Variants in ANK1 observed in about 807,000 individuals in gnomAD.
ANK1 encodes ankyrin 1, also known as ankyrin-1.
In ANK1, 51 loss-of-function variants were observed where a neutral mutation model predicts 210.4. The ratio of observed to expected loss-of-function variants is 0.24; its 90% CI spans 0.19 to 0.31. The LOEUF (loss-of-function observed/expected upper bound fraction) is 0.31. Among genes scored for constraint, ANK1 ranks in the 10% least tolerant of loss-of-function variants. ANK1 has a pLI of 1.00. For missense variants in ANK1, 2,051 were observed against 2,504.4 expected, an observed-to-expected ratio of 0.82 and a Z score of 3.86; for synonymous variants, 967 against 1,025.9, an observed-to-expected ratio of 0.94 and a Z score of 1.10.
chr8:41,850,180 G>A (rs913396759), intron 1 of ANK1, among the ~76,000 whole-genome samples: 31 of 152,168 alleles, frequency 2.0e-4, no homozygotes, highest in African/African-American at 7.2e-4. Flanking sequence ...CTTGGTGGGG[G>A]TCCCGGCAAC....
At chr8:41,857,576 T>C (rs572449768) in intron 1 of ANK1, among the ~76,000 whole-genome samples, 1 of 151,906 alleles carries the variant, frequency 6.6e-6, no homozygotes, top group African/African-American at 2.4e-5. Flanking sequence ...CCGTCTCTAC[T>C]AAAAATACAA....
intron 1 of ANK1, among the ~76,000 whole-genome samples, chr8:41,805,467 G>C (rs1382724228): frequency 6.6e-6 from 1 of 151,936 alleles, no homozygotes; most frequent in Non-Finnish European, 1.5e-5. Flanking sequence ...GGCTGGTCTT[G>C]AACTCGTGGG....
chr8:41,799,447 G>A (rs996658256), upstream of ANK1, among the ~76,000 whole-genome samples: 2 of 152,168 alleles, frequency 1.3e-5, no homozygotes, highest in African/African-American at 2.4e-5. Flanking sequence ...CAGGAGTGAC[G>A]AAAGCTAGAA....
chr8:41,829,512 C>T (rs2150796287), intron 1 of ANK1: 1 of 152,356 alleles, frequency 6.6e-6, no homozygotes, highest in South Asian at 2.1e-4. Flanking sequence ...AGCGTGCAGT[C>T]GATGCCTTCT....
At chr8:41,870,082 C>A (rs140644595) in intron 1 of ANK1, among the ~76,000 whole-genome samples, 1 of 151,980 alleles carries the variant, frequency 6.6e-6, no homozygotes, top group Non-Finnish European at 1.5e-5. Flanking sequence ...GGGATTCAGG[C>A]GGTTCAAGGA....
chr8:41,742,646 C>T (rs767062606), intron 2 of ANK1, among the ~76,000 whole-genome samples: 20 of 152,188 alleles, frequency 1.3e-4, no homozygotes, highest in Non-Finnish European at 2.9e-4. Flanking sequence ...TATCTATTAT[C>T]CAATGATTGG....
At chr8:41,791,194 GTTTTTTTTTT>G (rs71239082) in intron 1 of ANK1, among the ~76,000 whole-genome samples, 155 of 70,182 alleles carry the variant, frequency 2.2e-3, no homozygotes, top group Admixed American at 8.3e-3. Context: ...TACTAACTTT[GTTTTTTTTTT>G]TTTTTTTTTT....
At chr8:41,672,972 G>T in intron 37 of ANK1, 60 bp from the exon 38 acceptor site, 1 of 1,493,662 alleles carries the variant, frequency 6.7e-7, no homozygotes, top group Non-Finnish European at 9.1e-7. Flanking sequence ...ACCCATTCAC[G>T]TGCAGGTCCA....
intron 1 of ANK1, among the ~76,000 whole-genome samples, chr8:41,785,500 C>T (rs963231518): frequency 6.6e-6 from 1 of 152,222 alleles, no homozygotes; most frequent in African/African-American, 2.4e-5. Context: ...AAATCAATCT[C>T]TCTGTGCCTC....
At chr8:41,676,784 T>C (rs967912523) in intron 37 of ANK1, among the ~76,000 whole-genome samples, 5 of 152,238 alleles carry the variant, frequency 3.3e-5, no homozygotes, top group Non-Finnish European at 7.3e-5. Context: ...CATTTCAGTT[T>C]AGATTTTTTG....
chr8:41,721,095 C>T (rs555430214), intron 9 of ANK1, among the ~76,000 whole-genome samples: 1 of 152,254 alleles, frequency 6.6e-6, no homozygotes, highest in Admixed American at 6.5e-5. Context: ...AGTCTTAACC[C>T]CCAGGACCTC....
In ANK1 at chr8:41,694,159, C is replaced by A. The variant is rs1530329; in HGVS notation, c.3328-57G>T. On this transcript the variant is annotated intron_variant, in intron 28 of 42. Transcript: ENST00000289734. This position sits in a 1 kb window ranked among gnomAD's most constrained non-coding sequence, Gnocchi z 5.7. ...CCAAGCAGGAGAGGGGCTAATCAGACGGGAGGCAGCTCCATGCCTGGTGAG... is the reference window on the plus strand; with the variant it reads ...CCAAGCAGGAGAGGGGCTAATCAGAAGGGAGGCAGCTCCATGCCTGGTGAG... The A allele has an allele frequency of 1.3e-6, 2 of 1,548,790 alleles. No homozygotes were observed. Among genetic ancestry groups the A allele is most frequent in the Non-Finnish European group, 1.8e-6 (2 of 1,133,732 alleles).
At chr8:41,807,130 C>A (rs936819314) in intron 1 of ANK1, among the ~76,000 whole-genome samples, 5 of 152,226 alleles carry the variant, frequency 3.3e-5, no homozygotes, top group Middle Eastern at 6.8e-3. Context: ...TATTATGTGC[C>A]AGTCATACTA....
chr8:41,723,710 TC>T, intron 7 of ANK1, 77 bp from the exon 8 acceptor site: 1 of 1,320,448 alleles, frequency 7.6e-7, no homozygotes, highest in Non-Finnish European at 1.1e-6. Context: ...GCTCCCCTTG[TC>T]CCCAGCCCCC....
intron 31 of ANK1, among the ~76,000 whole-genome samples, chr8:41,690,818 G>A (rs1383181392): frequency 6.6e-6 from 1 of 152,274 alleles, no homozygotes; most frequent in Non-Finnish European, 1.5e-5. Flanking sequence ...TTTGTAATAT[G>A]TAGGGATCTT....
At chr8:41,894,746 C>T (rs1023330214) in intron 1 of ANK1, among the ~76,000 whole-genome samples, 3 of 152,088 alleles carry the variant, frequency 2.0e-5, no homozygotes, top group African/African-American at 7.2e-5. Context: ...TTCACATTCA[C>T]GCCAAGAAAG....
chr8:41,881,825 C>T (rs1817639351), intron 1 of ANK1, among the ~76,000 whole-genome samples: 1 of 152,194 alleles, frequency 6.6e-6, no homozygotes, highest in Non-Finnish European at 1.5e-5. Flanking sequence ...TTCCCACGCA[C>T]CTGCCTGGCT....
At chr8:41,735,420 C>T (rs114744484) in intron 2 of ANK1, among the ~76,000 whole-genome samples, 1,920 of 152,312 alleles carry the variant, frequency 0.013, 40 homozygotes, top group African/African-American at 0.043. Flanking sequence ...TCCTCCTCCT[C>T]CTGGCCTCCC....
intron 2 of ANK1, among the ~76,000 whole-genome samples, chr8:41,746,961 C>T (rs2150694466): frequency 6.6e-6 from 1 of 152,028 alleles, no homozygotes; most frequent in African/African-American, 2.4e-5. Flanking sequence ...TTATCTATGA[C>T]CTCCCAGGCT....
Sources: gnomAD v4.1 joint callset for allele counts (sites outside exome capture counted in the v4.1 genomes callset) on GRCh38, gnomAD v4.1.1 for gene constraint, Gnocchi (gnomAD v3.1) non-coding constraint, MANE v1.5 for transcripts, NCBI Gene and HGNC (gene_info 2026-07-23, HGNC 2026-07-21) for gene names.